Variants in ATP6V1D observed in about 807,000 individuals in gnomAD.
ATP6V1D encodes V-type proton ATPase subunit D.
ATP6V1D carries 20 observed loss-of-function variants against 39.4 expected under a neutral mutation model. That is an observed-to-expected ratio of 0.51 (90% CI 0.36 to 0.74). The LOEUF is 0.74. ATP6V1D is among the 30% of genes least tolerant of loss of function. ATP6V1D has a pLI of 0.00. For missense variants in ATP6V1D, 228 were observed against 291.6 expected (o/e 0.78, Z 1.59); for synonymous variants, 100 against 100.5 (o/e 0.99, Z 0.03).
intron 8 of ATP6V1D, 54 bp from the exon 9 acceptor site, chr14:67,338,816 G>A (rs2141087662): frequency 1.3e-6 from 2 of 1,490,588 alleles, no homozygotes; most frequent in East Asian, 4.6e-5. Context: ...ATATTAAGTA[G>A]ATTTGATTTC....
At chr14:67,345,197 A>T (rs1229700920) in intron 6 of ATP6V1D, among the ~76,000 whole-genome samples, 1 of 150,876 alleles carries the variant, frequency 6.6e-6, no homozygotes, top group Non-Finnish European at 1.5e-5. Context: ...AGCTGGGATT[A>T]TGCCACTGCA....
chr14:67,353,892 A>T (rs1217350297), intron 1 of ATP6V1D: 1 of 151,950 alleles, frequency 6.6e-6, no homozygotes, highest in Non-Finnish European at 1.5e-5. Flanking sequence ...GGTCTCATGA[A>T]ATCCTCCAGC....
chr14:67,338,779 G>A lies in ATP6V1D; in HGVS notation c.603-17C>T, dbSNP rs757361814. ...TTCTTTAACCTGTAAAATACAGGTG[G>A]GGGTGGATTTTTTAAACACTGTTTC... On this transcript the variant is annotated splice_polypyrimidine_tract_variant and intron_variant, in intron 8 of 8. Transcript: ENST00000216442. The A allele has an allele frequency of 2.5e-6, 4 of 1,597,752 alleles. No individual in the cohort carries two copies. Among genetic ancestry groups the A allele is most frequent in the Admixed American group, 3.5e-5 (2 of 57,910 alleles).
At chr14:67,352,352 T>C (rs2085659950) in intron 2 of ATP6V1D, among the ~76,000 whole-genome samples, 3 of 149,924 alleles carry the variant, frequency 2.0e-5, no homozygotes, top group Admixed American at 1.3e-4. Context: ...GCACCTGTAG[T>C]CACAGCTACT....
Position 67,338,424 on chromosome 14 carries a change from G to A in ATP6V1D, c.*197C>T. 2 of 568,950 alleles carry A rather than the reference G, an allele frequency of 3.5e-6. No individual in the cohort carries two copies. The highest frequency in any genetic ancestry group is 1.9e-5 in the African/African-American group (1 of 52,770). The allele number at this position is 568,950 out of a possible 1,614,324, so 35.2% of individuals were successfully genotyped here. On this transcript the variant is annotated 3_prime_UTR_variant, in exon 9 of 9. Transcript: ENST00000216442. ...TGTAAGTTCCTGGGCAGGTTTTACA[G>A]ATCTCTTTCATCCATGATAAATGGT... is the stretch of plus-strand genomic sequence containing the variant.
chr14:67,353,820 GCT>G (rs933776628), intron 1 of ATP6V1D: 8 of 152,070 alleles, frequency 5.3e-5, no homozygotes, highest in Admixed American at 4.6e-4. Flanking sequence ...ATGGGGTCTT[GCT>G]CTGTCACCCA....
At chr14:67,352,821 A>G (rs1400154851) in intron 2 of ATP6V1D, 102 bp downstream of exon 2, 3 of 752,004 alleles carry the variant, frequency 4.0e-6, no homozygotes, top group Non-Finnish European at 2.1e-6. Context: ...TTACTTTTGA[A>G]AGAAAAAAAT....
chr14:67,349,321 T>C (rs972374758), intron 3 of ATP6V1D, among the ~76,000 whole-genome samples: 3 of 152,196 alleles, frequency 2.0e-5, no homozygotes, highest in Non-Finnish European at 4.4e-5. Context: ...ACATTAGCAG[T>C]AAGAAAAGAA....
chr14:67,350,620 C>T lies in ATP6V1D; in HGVS notation c.230G>A (p.Gly77Asp). The change falls in exon 3 of 9, where the codon GGT becomes GAT. Residue 77 changes from glycine to aspartate, a missense_variant. By Grantham distance (94) the Gly-to-Asp change is moderately conservative. Transcript: ENST00000216442. ...CGTTTAGTCCCCTTACCTGAAGTCACCTGCTGTGAACTTGGCTTCAGCTAG... is the reference window on the plus strand; with the variant it reads ...CGTTTAGTCCCCTTACCTGAAGTCATCTGCTGTGAACTTGGCTTCAGCTAG... ...FSLAEAKFTA[G>D]DFSTTVIQNV... is the part of the protein sequence containing the mutation. 6.2e-7 allele frequency: 1 copy of T among 1,613,410 alleles called. No homozygotes were observed. The highest frequency in any genetic ancestry group is 8.5e-7 in the Non-Finnish European group (1 of 1,179,616).
chr14:67,349,003 T>C (rs2085640368), intron 4 of ATP6V1D, 34 bp downstream of exon 4: 1 of 1,592,460 alleles, frequency 6.3e-7, no homozygotes, highest in Non-Finnish European at 8.6e-7. Flanking sequence ...ACCTCTTTTC[T>C]CCCCAAAGGG....
intron 1 of ATP6V1D, among the ~76,000 whole-genome samples, chr14:67,355,449 CAAAAAAAAA>C (rs564931669): frequency 1.3e-3 from 25 of 18,952 alleles, no homozygotes; most frequent in South Asian, 8.8e-3. Flanking sequence ...GACCCTGTCT[CAAAAAAAAA>C]AAAAAAAAAA....
intron 2 of ATP6V1D, 99 bp from the exon 3 acceptor site, chr14:67,350,789 T>C (rs1411685743): frequency 2.7e-6 from 3 of 1,124,612 alleles, no homozygotes; most frequent in East Asian, 5.2e-5. Flanking sequence ...TATTTTATGC[T>C]GGCTGTGCAT....
intron 8 of ATP6V1D, 85 bp from the exon 9 acceptor site, chr14:67,338,847 T>A: frequency 1.6e-6 from 2 of 1,249,066 alleles, no homozygotes; most frequent in African/African-American, 3.0e-5. Context: ...GTAACAAGGA[T>A]AATAAACACA....
At chr14:67,340,589 G>T in intron 7 of ATP6V1D, 71 bp from the exon 8 acceptor site, 2 of 1,239,640 alleles carry the variant, frequency 1.6e-6, no homozygotes, top group Non-Finnish European at 2.3e-6. Flanking sequence ...GTGCTCATTT[G>T]TATAACAGTT....
At chr14:67,359,614 G>C in intron 1 of ATP6V1D, 44 bp downstream of exon 1, 1 of 1,611,376 alleles carries the variant, frequency 6.2e-7, no homozygotes. Context: ...CGCGCTCCGG[G>C]TTCCTAAACC....
intron 6 of ATP6V1D, among the ~76,000 whole-genome samples, chr14:67,345,039 C>G (rs949048605): frequency 2.0e-5 from 3 of 151,570 alleles, no homozygotes; most frequent in Non-Finnish European, 4.4e-5. Context: ...CCCAGGAGTT[C>G]GAGACCAGCC....
chr14:67,341,254 G>A (rs2085579644), intron 7 of ATP6V1D, among the ~76,000 whole-genome samples: 1 of 148,360 alleles, frequency 6.7e-6, no homozygotes, highest in African/African-American at 2.5e-5. Context: ...GCCGCCCATC[G>A]TCTGAGATGT....
At position 67,348,945 on chromosome 14, in the gene ATP6V1D, C is replaced by G; in HGVS notation, c.307+92G>C. On this transcript the variant is annotated intron_variant, in intron 4 of 8. Transcript: ENST00000216442. ...ACTTGTTCTAAGTAGAAGGAAGAAA[C>G]TAGGACATTAAGATCTTGCTGTATA... is the stretch of plus-strand genomic sequence containing the variant. 4.2e-6 allele frequency: 5 copies of G among 1,203,618 alleles called. No individual in the cohort carries two copies. The South Asian group carries it at 6.8e-5, about 16-fold the overall frequency. The allele number at this position is 1,203,618 out of a possible 1,614,324, so 74.6% of individuals were successfully genotyped here.
At chr14:67,356,521 T>C (rs2085686170) in intron 1 of ATP6V1D, among the ~76,000 whole-genome samples, 1 of 151,906 alleles carries the variant, frequency 6.6e-6, no homozygotes, top group South Asian at 2.1e-4. Context: ...CTAAGATCAC[T>C]AAGACAATTC....
Sources: gnomAD v4.1 joint callset for allele counts (sites outside exome capture counted in the v4.1 genomes callset) on GRCh38, gnomAD v4.1.1 for gene constraint, MANE v1.5 for transcripts, NCBI Gene and HGNC (gene_info 2026-07-23, HGNC 2026-07-21) for gene names.